The following PARD3 variants were observed in gnomAD, a reference collection of about 807,000 sequenced individuals.
PARD3 encodes partitioning defective 3 homolog.
In PARD3, 75 loss-of-function variants were observed where a neutral mutation model predicts 155.4. That is an observed-to-expected ratio of 0.48 (90% CI 0.40 to 0.58). PARD3 has a LOEUF of 0.58. Among genes scored for constraint, PARD3 ranks in the 20% least tolerant of loss-of-function variants. The pLI is 0.00. For missense variants in PARD3, 1,642 were observed against 1,721.7 expected, an observed-to-expected ratio of 0.95 and a Z score of 0.82; for synonymous variants, 576 against 610.5, an observed-to-expected ratio of 0.94 and a Z score of 0.83.
intron 22 of PARD3, among the ~76,000 whole-genome samples, chr10:34,153,540 C>G (rs2132981520): frequency 6.6e-6 from 1 of 152,256 alleles, no homozygotes; most frequent in African/African-American, 2.4e-5. Flanking sequence ...TCATAAACAA[C>G]AAAAAGAAAC....
intron 2 of PARD3, among the ~76,000 whole-genome samples, chr10:34,569,851 G>A (rs2134140964): frequency 6.9e-6 from 1 of 145,258 alleles, no homozygotes; most frequent in South Asian, 2.2e-4. Context: ...AAAGAATGAA[G>A]ATTAAATGAC....
At chr10:34,447,568 C>T (rs780956315) in intron 5 of PARD3, among the ~76,000 whole-genome samples, 5 of 145,560 alleles carry the variant, frequency 3.4e-5, no homozygotes, top group South Asian at 2.2e-4. Flanking sequence ...TTTGAAAGGC[C>T]GAGGCGGGCA....
chr10:34,516,126 G>A (rs191273861), intron 3 of PARD3, among the ~76,000 whole-genome samples: 19 of 152,024 alleles, frequency 1.2e-4, no homozygotes, highest in Admixed American at 6.6e-5. Flanking sequence ...CACCACGCCT[G>A]GCTAATTTTT....
chr10:34,555,984 T>C (rs1041271546), intron 2 of PARD3, among the ~76,000 whole-genome samples: 6 of 152,210 alleles, frequency 3.9e-5, no homozygotes, highest in African/African-American at 1.4e-4. Flanking sequence ...GAGAGAGAGA[T>C]CTCTACTTGT....
At chr10:34,430,247 C>G (rs1386819239) in intron 5 of PARD3, among the ~76,000 whole-genome samples, 1 of 152,174 alleles carries the variant, frequency 6.6e-6, no homozygotes, top group African/African-American at 2.4e-5. Flanking sequence ...ACATAACCAT[C>G]TAACACATAT....
intron 23 of PARD3, among the ~76,000 whole-genome samples, chr10:34,127,160 A>C (rs1947333493): frequency 6.6e-6 from 1 of 152,226 alleles, no homozygotes; most frequent in Non-Finnish European, 1.5e-5. Flanking sequence ...ATGAATTTCA[A>C]ATCATTTTCA....
At position 34,343,807 on chromosome 10, in the gene PARD3, T is replaced by C. The variant is rs1295536469; in HGVS notation, c.2219-1991A>G. 3 of 979,564 alleles carry C rather than the reference T, an allele frequency of 3.1e-6. No individual in the cohort carries two copies. In the East Asian group the frequency reaches 3.4e-4, roughly 111 times the overall value. 60.7% of individuals were successfully genotyped at this position (979,564 alleles called of 1,614,324 possible). A position where few individuals can be genotyped will look rare whatever the true frequency, so the allele number is the denominator to read the frequency against. ...TTTCCTCTATCTTCAACTAGTTAAC[T>C]AGTGACCTACAAACTAAGTAAACTA... On this transcript the variant is annotated intron_variant, in intron 15 of 24. Coordinates refer to ENST00000374788, the MANE Select transcript of PARD3 (RefSeq NM_001184785.2).
Position 34,354,577 on chromosome 10 carries a change from G to A in PARD3, c.2067+4570C>T, listed in dbSNP as rs113032006. ...GATAGTGTGACAGCTGCTGGGTGAA[G>A]GGGAGTACACGGGGCTATGAAAATC... On this transcript the variant is annotated intron_variant, in intron 14 of 24. Transcript: ENST00000374788. Among the ~76,000 whole-genome samples the A allele has an allele frequency of 5.6e-3, 850 of 152,262 alleles. 6 individuals carry two copies. The highest frequency in any genetic ancestry group is 0.019 in the African/African-American group (806 of 41,556).
chr10:34,361,833 A>T (rs1839471957), intron 12 of PARD3, among the ~76,000 whole-genome samples: 1 of 131,070 alleles, frequency 7.6e-6, no homozygotes, highest in Admixed American at 7.7e-5. Flanking sequence ...CTAATGGGTT[A>T]AAAAAAAAAT....
At chr10:34,248,047 T>A (rs578212788) in intron 22 of PARD3, among the ~76,000 whole-genome samples, 1 of 152,322 alleles carries the variant, frequency 6.6e-6, no homozygotes, top group East Asian at 1.9e-4. Flanking sequence ...ACATACCAGT[T>A]GCCTACAGTT....
chr10:34,285,506 G>A (rs563034521), intron 20 of PARD3, among the ~76,000 whole-genome samples: 27 of 152,140 alleles, frequency 1.8e-4, no homozygotes, highest in African/African-American at 4.8e-4. Context: ...GAGCCTGGGA[G>A]TTCGAAGCTG....
intron 2 of PARD3, among the ~76,000 whole-genome samples, chr10:34,572,407 G>A (rs540640044): frequency 3.9e-4 from 60 of 152,176 alleles, no homozygotes; most frequent in African/African-American, 1.3e-3. Flanking sequence ...GGGAGGCCGA[G>A]GCAAGCGGAT....
chr10:34,228,318 C>T (rs966660427), intron 22 of PARD3, among the ~76,000 whole-genome samples: 4 of 151,932 alleles, frequency 2.6e-5, no homozygotes, highest in Non-Finnish European at 5.9e-5. Context: ...TACCCGGATG[C>T]CAAAGTAATG....
chr10:34,392,194 AT>A (rs1414857880), intron 7 of PARD3, among the ~76,000 whole-genome samples: 1 of 152,150 alleles, frequency 6.6e-6, no homozygotes. Context: ...AAAATAAAAA[AT>A]ATTCTCTTAG....
chr10:34,593,128 A>T (rs2088880072), intron 2 of PARD3, among the ~76,000 whole-genome samples: 1 of 152,220 alleles, frequency 6.6e-6, no homozygotes, highest in Non-Finnish European at 1.5e-5. Context: ...TACAGAGCAG[A>T]GCTAGATATT....
intron 1 of PARD3, among the ~76,000 whole-genome samples, chr10:34,727,144 G>A (rs1318256708): frequency 6.6e-6 from 1 of 152,158 alleles, no homozygotes; most frequent in East Asian, 1.9e-4. Flanking sequence ...CTTCCAATAT[G>A]TTTAAAGACT....
At chr10:34,118,629 A>G (rs1409009218) in intron 24 of PARD3, among the ~76,000 whole-genome samples, 2 of 152,292 alleles carry the variant, frequency 1.3e-5, no homozygotes, top group South Asian at 2.1e-4. Context: ...TACAGACCTG[A>G]GCCACCGTGC....
chr10:34,600,890 G>A (rs890472511), intron 2 of PARD3, among the ~76,000 whole-genome samples: 1 of 151,084 alleles, frequency 6.6e-6, no homozygotes, highest in South Asian at 2.1e-4. Flanking sequence ...AAGCTCAAGT[G>A]ATAATTCCCA....
chr10:34,375,551 G>A (rs1176311838), intron 10 of PARD3, among the ~76,000 whole-genome samples: 3 of 151,986 alleles, frequency 2.0e-5, no homozygotes, highest in African/African-American at 4.8e-5. Flanking sequence ...TTTTAGCAGG[G>A]AAGCAATATT....
Sources: gnomAD v4.1 joint callset for allele counts (sites outside exome capture counted in the v4.1 genomes callset) on GRCh38, gnomAD v4.1.1 for gene constraint, MANE v1.5 for transcripts, NCBI Gene and HGNC (gene_info 2026-07-23, HGNC 2026-07-21) for gene names.